FGGY: variants seen among roughly 807,000 people sequenced by gnomAD.
The protein encoded by FGGY is FGGY carbohydrate kinase domain-containing protein.
A neutral mutation model predicts 71.3 loss-of-function variants in FGGY; 72 were observed. The ratio of observed to expected loss-of-function variants is 1.01; its 90% CI spans 0.84 to 1.23. The LOEUF is 1.23. FGGY is among the 50% of genes most tolerant of loss of function. The pLI is 0.00. For synonymous variants in FGGY, 251 were observed against 250.3 expected (o/e 1.00, Z -0.02); for missense variants, 668 against 682.3 (o/e 0.98, Z 0.23).
chr1:59,593,153 A>C (rs566785720), intron 8 of FGGY, among the ~76,000 whole-genome samples: 2 of 152,332 alleles, frequency 1.3e-5, no homozygotes, highest in Non-Finnish European at 2.9e-5. Context: ...AAGAACCGTC[A>C]GCAGCAGAAC....
chr1:59,753,590 T>C (rs1263804484), intron 14 of FGGY, among the ~76,000 whole-genome samples: 1 of 144,230 alleles, frequency 6.9e-6, no homozygotes, highest in Non-Finnish European at 1.5e-5. Context: ...AATAAGCAAC[T>C]TGACAAGAAA....
intron 11 of FGGY, among the ~76,000 whole-genome samples, chr1:59,640,064 T>C (rs774920170): frequency 6.6e-6 from 1 of 152,242 alleles, no homozygotes; most frequent in Non-Finnish European, 1.5e-5. Flanking sequence ...ATATGCCCAG[T>C]TGTATCTAAA....
chr1:59,472,670 A>G (rs1241235910), intron 6 of FGGY, among the ~76,000 whole-genome samples: 3 of 152,198 alleles, frequency 2.0e-5, no homozygotes, highest in Non-Finnish European at 4.4e-5. Flanking sequence ...TGTCTAGCTC[A>G]GGGTTTGCGA....
At chr1:59,651,661 G>T (rs547764057) in intron 11 of FGGY, among the ~76,000 whole-genome samples, 2 of 150,834 alleles carry the variant, frequency 1.3e-5, no homozygotes, top group African/African-American at 2.5e-5. Context: ...CACGTGAGAT[G>T]GGTCTCCTGA....
At chr1:59,417,201 C>A (rs906491700) in intron 5 of FGGY, among the ~76,000 whole-genome samples, 3 of 152,120 alleles carry the variant, frequency 2.0e-5, no homozygotes, top group African/African-American at 7.2e-5. Context: ...TGTTTGGCTT[C>A]TTTCACTTGG....
At chr1:59,419,856 A>G (rs1275455388) in intron 5 of FGGY, among the ~76,000 whole-genome samples, 2 of 152,172 alleles carry the variant, frequency 1.3e-5, no homozygotes, top group African/African-American at 4.8e-5. Context: ...TGCTAATCCT[A>G]GCCTTTGAGT....
chr1:59,602,231 T>G (rs924438102), intron 8 of FGGY, among the ~76,000 whole-genome samples: 1 of 152,218 alleles, frequency 6.6e-6, no homozygotes, highest in Non-Finnish European at 1.5e-5. Flanking sequence ...GCCCTCCTCT[T>G]CTATTTACTA....
At chr1:59,722,821 C>T (rs917004302) in intron 14 of FGGY, among the ~76,000 whole-genome samples, 4 of 152,082 alleles carry the variant, frequency 2.6e-5, no homozygotes, top group South Asian at 2.1e-4. Flanking sequence ...GTCTGTGTGA[C>T]GGAGTCTTGC....
chr1:59,497,036 G>A (rs2094058481), intron 6 of FGGY, among the ~76,000 whole-genome samples: 1 of 152,232 alleles, frequency 6.6e-6, no homozygotes. Context: ...CTCTGGGTGT[G>A]AAACAGGTAA....
At chr1:59,439,370 G>C (rs563527653) in intron 5 of FGGY, among the ~76,000 whole-genome samples, 1 of 152,174 alleles carries the variant, frequency 6.6e-6, no homozygotes, top group South Asian at 2.1e-4. Flanking sequence ...CTGTACTTTT[G>C]TCGAGACTGA....
intron 5 of FGGY, among the ~76,000 whole-genome samples, chr1:59,428,678 A>G (rs142931438): frequency 1.6e-4 from 24 of 152,356 alleles, no homozygotes; most frequent in East Asian, 9.6e-4. Flanking sequence ...TAATCCAGAT[A>G]AAACATCCTA....
At chr1:59,586,481 G>A (rs1338690213) in intron 8 of FGGY, among the ~76,000 whole-genome samples, 1 of 152,084 alleles carries the variant, frequency 6.6e-6, no homozygotes, top group Non-Finnish European at 1.5e-5. Flanking sequence ...CACAGGAAGG[G>A]GAACATCACA....
At chr1:59,502,985 T>A (rs927697735) in intron 6 of FGGY, among the ~76,000 whole-genome samples, 2 of 152,190 alleles carry the variant, frequency 1.3e-5, no homozygotes, top group African/African-American at 4.8e-5. Context: ...AATGAGGTGG[T>A]CTTCCTTTTC....
At chr1:59,456,881 C>T (rs2091753010) in intron 5 of FGGY, 80 bp from the exon 6 acceptor site, 4 of 855,938 alleles carry the variant, frequency 4.7e-6, no homozygotes, top group Non-Finnish European at 7.8e-6. Flanking sequence ...TCTGCAGATA[C>T]CTGGACGGGT....
At chr1:59,557,934 G>T (rs1440973135) in intron 8 of FGGY, among the ~76,000 whole-genome samples, 4 of 152,184 alleles carry the variant, frequency 2.6e-5, no homozygotes, top group Non-Finnish European at 5.9e-5. Context: ...AACTACATCT[G>T]CATCTTAAAT....
intron 3 of FGGY, 46 bp from the exon 4 acceptor site, chr1:59,346,201 G>A: frequency 1.2e-6 from 2 of 1,604,910 alleles, no homozygotes; most frequent in Non-Finnish European, 1.7e-6. Flanking sequence ...TGAATTAGAA[G>A]GAAGAGAATG....
chr1:59,722,178 T>TC (rs1381686290), intron 14 of FGGY, among the ~76,000 whole-genome samples: 1 of 151,954 alleles, frequency 6.6e-6, no homozygotes, highest in Non-Finnish European at 1.5e-5. Context: ...TTTTTTTTTT[T>TC]TTCATGATTG....
chr1:59,650,383 A>T (rs2097145537), intron 11 of FGGY, among the ~76,000 whole-genome samples: 1 of 123,772 alleles, frequency 8.1e-6, no homozygotes, highest in African/African-American at 4.0e-5. Context: ...CTGGTCCTGG[A>T]CTTTTTATGG....
intron 5 of FGGY, among the ~76,000 whole-genome samples, chr1:59,398,516 G>C (rs2061584118): frequency 1.3e-5 from 2 of 152,138 alleles, no homozygotes; most frequent in African/African-American, 4.8e-5. Context: ...TGGTATTACA[G>C]GCATGAGCCA....
Sources: gnomAD v4.1 joint callset for allele counts (sites outside exome capture counted in the v4.1 genomes callset) on GRCh38, gnomAD v4.1.1 for gene constraint, MANE v1.5 for transcripts, NCBI Gene and HGNC (gene_info 2026-07-23, HGNC 2026-07-21) for gene names.